Variants in ATP6V1E2 observed in about 807,000 individuals in gnomAD.
The protein encoded by ATP6V1E2 is V-type proton ATPase subunit E 2.
For synonymous variants in ATP6V1E2, 121 were observed against 104.2 expected (o/e 1.16, Z -0.98); for missense variants, 308 against 273.3 (o/e 1.13, Z -0.90).
chr2:46,536,180 G>A (rs1667435335), intron 3 of ATP6V1E2, among the ~76,000 whole-genome samples: 1 of 152,214 alleles, frequency 6.6e-6, no homozygotes, highest in African/African-American at 2.4e-5. Flanking sequence ...AAGAGCGCTT[G>A]AGCCGAAGTT....
intron 4 of ATP6V1E2, among the ~76,000 whole-genome samples, chr2:46,514,212 G>A (rs961683539): frequency 8.5e-5 from 13 of 152,142 alleles, no homozygotes; most frequent in Admixed American, 3.3e-4. Context: ...CCCAGGAGGT[G>A]GAGATTCCAG....
Position 46,512,118 on chromosome 2 carries a change from G to A in ATP6V1E2, c.594C>T (p.Ser198=), listed in dbSNP as rs1329564204. ...TTTGCTTGGCTGAGAGATCCAGTCGGCTTTCCAAGGTATTTGAAACCTTTA... is the reference window on the plus strand; with the variant it reads ...TTTGCTTGGCTGAGAGATCCAGTCGACTTTCCAAGGTATTTGAAACCTTTA... ...QRIKVSNTLE[S]RLDLSAKQKM... is the part of the protein sequence containing the mutation. Residue 198 remains serine, a synonymous_variant, in exon 5 of 5, where the codon AGC becomes AGT. Coordinates refer to ENST00000522587, the MANE Select transcript of ATP6V1E2 (RefSeq NM_001318063.2). 1 of 1,614,136 alleles carries A rather than the reference G, an allele frequency of 6.2e-7. No homozygotes were observed. Among genetic ancestry groups the A allele is most frequent in the Non-Finnish European group, 8.5e-7 (1 of 1,180,030 alleles).
intron 2 of ATP6V1E2, among the ~76,000 whole-genome samples, chr2:46,537,735 T>C (rs1391980613): frequency 2.0e-5 from 3 of 149,382 alleles, no homozygotes; most frequent in Non-Finnish European, 4.4e-5. Context: ...TAAAGCATCC[T>C]AGCCACAACA....
intron 2 of ATP6V1E2, among the ~76,000 whole-genome samples, chr2:46,539,606 G>C (rs969670779): frequency 2.0e-5 from 3 of 152,232 alleles, no homozygotes; most frequent in Non-Finnish European, 4.4e-5. Flanking sequence ...ATGGCTTTCA[G>C]AAGCTCATGG....
At chr2:46,529,774 G>A (rs36160758) in intron 4 of ATP6V1E2, among the ~76,000 whole-genome samples, 41,442 of 150,288 alleles carry the variant, frequency 0.28, 6,302 homozygotes, top group Non-Finnish European at 0.34. Flanking sequence ...TGATGATGAT[G>A]ATAATAATAA....
intron 4 of ATP6V1E2, among the ~76,000 whole-genome samples, chr2:46,515,605 G>C (rs960022757): frequency 9.9e-5 from 15 of 152,094 alleles, no homozygotes; most frequent in African/African-American, 3.4e-4. Flanking sequence ...GAGGAAAAGA[G>C]AGACAAAAAG....
chr2:46,515,700 G>A lies in ATP6V1E2; in HGVS notation c.-101-2888C>T, dbSNP rs1687682782. On this transcript the variant is annotated intron_variant, in intron 4 of 4. Coordinates refer to ENST00000522587, the MANE Select transcript of ATP6V1E2 (RefSeq NM_001318063.2). ...TCAGTAATTACTTTAAATATAAATG[G>A]ATTAAATGTTCCAATGAAAAGATAT... 2.6e-5 allele frequency among the ~76,000 whole-genome samples: 4 copies of A among 152,100 alleles called. No individual in the cohort carries two copies. The South Asian group carries it at 8.3e-4, about 31-fold the overall frequency.
At position 46,512,785 on chromosome 2, in the gene ATP6V1E2, G is replaced by T. The variant is rs991351291; in HGVS notation, c.-74C>A. On this transcript the variant is annotated 5_prime_UTR_variant, in exon 5 of 5. Coordinates refer to ENST00000522587, the MANE Select transcript of ATP6V1E2 (RefSeq NM_001318063.2). ...CTCCTTTGACTTAGGACAATTTCAG[G>T]AGTGTCTCTGGAGTTCCACTTTCTC... 2 of 1,324,430 alleles carry T rather than the reference G, an allele frequency of 1.5e-6. No individual in the cohort carries two copies. Among genetic ancestry groups the T allele is most frequent in the African/African-American group, 2.9e-5 (2 of 67,926 alleles). 82.0% of individuals were successfully genotyped at this position (1,324,430 alleles called of 1,614,324 possible).
At chr2:46,532,684 A>C (rs996780640) in intron 4 of ATP6V1E2, among the ~76,000 whole-genome samples, 1 of 152,262 alleles carries the variant, frequency 6.6e-6, no homozygotes, top group Admixed American at 6.5e-5. Flanking sequence ...GTGAGGTCAT[A>C]GTGTTTGTTC....
chr2:46,526,744 T>A (rs1666940596), intron 4 of ATP6V1E2, among the ~76,000 whole-genome samples: 1 of 152,224 alleles, frequency 6.6e-6, no homozygotes, highest in African/African-American at 2.4e-5. Context: ...GATATTTCAT[T>A]GTGTGTATAT....
chr2:46,527,260 C>T (rs1450218527), intron 4 of ATP6V1E2, among the ~76,000 whole-genome samples: 9 of 152,024 alleles, frequency 5.9e-5, no homozygotes, highest in South Asian at 2.1e-4. Context: ...CTCACTCTGT[C>T]GCCCAGGCTG....
chr2:46,536,728 T>C (rs1005726211), intron 2 of ATP6V1E2, 25 bp from the exon 3 acceptor site: 1 of 152,228 alleles, frequency 6.6e-6, no homozygotes. Flanking sequence ...AAATCACAGA[T>C]TAGATTTGGA....
Position 46,512,456 on chromosome 2 carries a change from C to A in ATP6V1E2, c.256G>T (p.Ala86Ser). Residue 86 changes from alanine to serine, a missense_variant, in exon 5 of 5, where the codon GCC becomes TCC. Physicochemically the swap from Ala to Ser is moderately conservative, Grantham distance 99. Transcript: ENST00000522587. ...AAATCTGAGATGAGGTCATTTCGGG[C>A]TCTCAGGACTTTCAGCCTCGCCTGA... The part of the protein sequence containing the change: ...RNQARLKVLR[A>S]RNDLISDLLS... 1 of 1,614,174 alleles carries A rather than the reference C, an allele frequency of 6.2e-7. No individual in the cohort carries two copies. Among genetic ancestry groups the A allele is most frequent in the Non-Finnish European group, 8.5e-7 (1 of 1,180,020 alleles).
intron 4 of ATP6V1E2, among the ~76,000 whole-genome samples, chr2:46,514,528 G>GA (rs1434628329): frequency 1.3e-5 from 2 of 151,906 alleles, no homozygotes; most frequent in African/African-American, 4.8e-5. Flanking sequence ...TAACTGAACT[G>GA]AAAAAATTCA....
intron 4 of ATP6V1E2, among the ~76,000 whole-genome samples, chr2:46,529,922 C>T (rs1376650035): frequency 2.0e-5 from 3 of 152,118 alleles, no homozygotes; most frequent in Non-Finnish European, 2.9e-5. Flanking sequence ...TGATGAACGT[C>T]AGGGTGATGC....
At chr2:46,541,931 C>A (rs1359104779) in intron 1 of ATP6V1E2, 2 of 152,280 alleles carry the variant, frequency 1.3e-5, no homozygotes, top group East Asian at 3.8e-4. Context: ...AAGGCGACCT[C>A]GGAGAATGTG....
intron 3 of ATP6V1E2, among the ~76,000 whole-genome samples, chr2:46,536,159 G>C (rs1240793688): frequency 2.0e-5 from 3 of 152,204 alleles, no homozygotes; most frequent in Non-Finnish European, 4.4e-5. Context: ...AAATGAAAAT[G>C]GCAAAACATT....
At chr2:46,538,665 CTT>C (rs1456014058) in intron 2 of ATP6V1E2, among the ~76,000 whole-genome samples, 10 of 152,010 alleles carry the variant, frequency 6.6e-5, no homozygotes, top group East Asian at 3.8e-4. Context: ...CTCTCTCTCT[CTT>C]TGCTTCTCTC....
intron 2 of ATP6V1E2, among the ~76,000 whole-genome samples, chr2:46,537,958 C>A (rs1667532428): frequency 1.3e-5 from 2 of 151,850 alleles, no homozygotes; most frequent in African/African-American, 4.8e-5. Flanking sequence ...GGGAAGATAA[C>A]AACAGAGGAC....
Sources: allele counts gnomAD v4.1 joint callset (sites outside exome capture counted in the v4.1 genomes callset), GRCh38; gene constraint gnomAD v4.1.1; transcripts MANE v1.5; gene names NCBI Gene and HGNC (gene_info 2026-07-23, HGNC 2026-07-21).